The following FHIT variants were observed in gnomAD, a reference collection of about 807,000 sequenced individuals.
The protein encoded by FHIT is bis(5'-adenosyl)-triphosphatase.
A neutral mutation model predicts 17.9 loss-of-function variants in FHIT; 19 were observed. That is an observed-to-expected ratio of 1.06 (90% CI 0.74 to 1.56). FHIT has a LOEUF of 1.56. Among genes scored for constraint, FHIT ranks in the 40% most tolerant of loss-of-function variants. FHIT has a pLI of 0.00. For synonymous variants in FHIT, 81 were observed against 69.7 expected (o/e 1.16, Z -0.81); for missense variants, 248 against 189.2 (o/e 1.31, Z -1.82).
chr3:61,061,288 G>C lies in FHIT; in HGVS notation c.-163-19189C>G, dbSNP rs1282414886. Among the ~76,000 whole-genome samples, 6 of 152,258 alleles carry C rather than the reference G, an allele frequency of 3.9e-5. No homozygotes were observed. The East Asian group carries it at 1.2e-3, about 29-fold the overall frequency. On this transcript the variant is annotated intron_variant, in intron 2 of 9. Coordinates refer to ENST00000492590, the MANE Select transcript of FHIT (RefSeq NM_002012.4). ...GTTTTGTGTTCCTGTTGTGATATAT[G>C]TTTAGTTCAAGGCTGTGGACTTTGT...
Position 60,029,471 on chromosome 3 carries a change from T to C in FHIT, c.104-15319A>G, listed in dbSNP as rs546846464. ...GAGCAGATGAAGGAAAATCAAGGAC[T>C]GTGACTTTAAAAAGACATATATATG... On this transcript the variant is annotated intron_variant, in intron 5 of 9. Coordinates refer to ENST00000492590, the MANE Select transcript of FHIT (RefSeq NM_002012.4). Among the ~76,000 whole-genome samples, 257 of 152,312 alleles carry C rather than the reference T, an allele frequency of 1.7e-3. 1 individual carries two copies. In the Middle Eastern group the frequency reaches 0.02, roughly 12 times the overall value.
At chr3:60,336,894 C>CA (rs35302219) in intron 5 of FHIT, among the ~76,000 whole-genome samples, 5,120 of 104,746 alleles carry the variant, frequency 0.049, 241 homozygotes, top group East Asian at 0.33. Flanking sequence ...TCAAAGTAAG[C>CA]AAAAAAAAAA....
chr3:60,155,882 C>T (rs1001945390), intron 5 of FHIT, among the ~76,000 whole-genome samples: 2 of 152,158 alleles, frequency 1.3e-5, no homozygotes, highest in Non-Finnish European at 2.9e-5. Context: ...TAGACTCCCT[C>T]TCTCTCAGTC....
intron 5 of FHIT, among the ~76,000 whole-genome samples, chr3:60,409,308 C>G (rs1701983202): frequency 1.3e-5 from 2 of 152,086 alleles, no homozygotes; most frequent in Non-Finnish European, 2.9e-5. Flanking sequence ...TAATCATAAC[C>G]CTTTGTTTAG....
chr3:60,389,338 G>A (rs1207177837), intron 5 of FHIT, among the ~76,000 whole-genome samples: 5 of 152,096 alleles, frequency 3.3e-5, no homozygotes, highest in Non-Finnish European at 5.9e-5. Context: ...TTTAGGTAAC[G>A]GTGCCTTTGA....
chr3:60,549,282 A>T (rs751440684), intron 4 of FHIT, among the ~76,000 whole-genome samples: 8 of 152,228 alleles, frequency 5.3e-5, no homozygotes, highest in Non-Finnish European at 8.8e-5. Flanking sequence ...TATTAGAGGT[A>T]GAGCAGTGTC....
At chr3:60,683,376 C>T (rs1553697407) in intron 4 of FHIT, among the ~76,000 whole-genome samples, 1 of 152,116 alleles carries the variant, frequency 6.6e-6, no homozygotes, top group African/African-American at 2.4e-5. Context: ...CAAATTGCCA[C>T]AGCCACTTCT....
intron 5 of FHIT, among the ~76,000 whole-genome samples, chr3:60,232,889 G>A (rs1704572272): frequency 6.6e-6 from 1 of 152,152 alleles, no homozygotes; most frequent in Non-Finnish European, 1.5e-5. Flanking sequence ...CTGGATATGT[G>A]ATGACACTAA....
chr3:60,927,932 GACATA>G (rs1484378414), intron 3 of FHIT, among the ~76,000 whole-genome samples: 3 of 152,242 alleles, frequency 2.0e-5, no homozygotes, highest in Non-Finnish European at 2.9e-5. Context: ...GAAAGAAGTA[GACATA>G]GGAGACTCCA....
chr3:61,050,914 T>G (rs764723898), intron 2 of FHIT, among the ~76,000 whole-genome samples: 5 of 152,206 alleles, frequency 3.3e-5, no homozygotes, highest in Non-Finnish European at 5.9e-5. Context: ...TGCACAGATA[T>G]TTCTTCTAAG....
intron 3 of FHIT, among the ~76,000 whole-genome samples, chr3:60,955,613 T>TACATATATATATATATAC (rs1709098039): frequency 1.4e-3 from 19 of 13,312 alleles, no homozygotes; most frequent in African/African-American, 2.3e-3. Context: ...TATATATATA[T>TACATATATATATATATAC]ATATATATAT....
chr3:60,165,409 C>G (rs1335797660), intron 5 of FHIT, among the ~76,000 whole-genome samples: 1 of 152,110 alleles, frequency 6.6e-6, no homozygotes, highest in Non-Finnish European at 1.5e-5. Context: ...AGAATGGAAA[C>G]AAAGAGTACA....
chr3:59,856,335 G>C (rs374239933), intron 8 of FHIT, among the ~76,000 whole-genome samples: 11 of 152,000 alleles, frequency 7.2e-5, no homozygotes, highest in African/African-American at 2.7e-4. Flanking sequence ...TTTTTGCAAA[G>C]AAAACATCAC....
intron 5 of FHIT, among the ~76,000 whole-genome samples, chr3:60,048,252 C>T (rs901677222): frequency 7.2e-5 from 11 of 152,316 alleles, no homozygotes; most frequent in African/African-American, 2.6e-4. Context: ...TCTCAGATCA[C>T]TGCACCTTCT....
At chr3:61,040,080 T>C (rs935405870) in intron 3 of FHIT, among the ~76,000 whole-genome samples, 1 of 152,182 alleles carries the variant, frequency 6.6e-6, no homozygotes, top group Non-Finnish European at 1.5e-5. Flanking sequence ...AGAAAGGGCA[T>C]TTGCAAACCT....
chr3:60,144,372 G>A (rs1559673410), intron 5 of FHIT, among the ~76,000 whole-genome samples: 2 of 152,112 alleles, frequency 1.3e-5, no homozygotes, highest in Admixed American at 1.3e-4. Flanking sequence ...AATAACCCAA[G>A]GAGGTAGTTA....
At chr3:61,055,136 T>G (rs2034173249) in intron 2 of FHIT, among the ~76,000 whole-genome samples, 2 of 152,194 alleles carry the variant, frequency 1.3e-5, no homozygotes, top group South Asian at 4.1e-4. Flanking sequence ...GCATCTGTGA[T>G]GCGTCTCTTT....
chr3:59,875,672 T>C (rs1004790770), intron 8 of FHIT, among the ~76,000 whole-genome samples: 1 of 152,186 alleles, frequency 6.6e-6, no homozygotes, highest in Non-Finnish European at 1.5e-5. Flanking sequence ...TTACCTTTCA[T>C]CATAATAAAA....
intron 5 of FHIT, among the ~76,000 whole-genome samples, chr3:60,457,925 A>G (rs1300289386): frequency 2.0e-5 from 3 of 152,184 alleles, no homozygotes; most frequent in Non-Finnish European, 4.4e-5. Flanking sequence ...TTAAAAAGTC[A>G]GGAAACAACA....
Sources: allele counts gnomAD v4.1 joint callset (sites outside exome capture counted in the v4.1 genomes callset), GRCh38; gene constraint gnomAD v4.1.1; transcripts MANE v1.5; gene names NCBI Gene and HGNC (gene_info 2026-07-23, HGNC 2026-07-21).